ATP13A1: variants seen among roughly 807,000 people sequenced by gnomAD.
ATP13A1 encodes the protein endoplasmic reticulum transmembrane helix translocase.
A neutral mutation model predicts 134.8 loss-of-function variants in ATP13A1; 55 were observed. That is an observed-to-expected ratio of 0.41 (90% CI 0.33 to 0.51). ATP13A1 has a LOEUF of 0.51. Ranked by LOEUF, ATP13A1 falls within the 20% of genes least tolerant of loss-of-function variation. The pLI is 0.29. For synonymous variants in ATP13A1, 775 were observed against 725.1 expected (o/e 1.07, Z -1.10); for missense variants, 1,389 against 1,652.8 (o/e 0.84, Z 2.77).
rs758667471 is a variant in ATP13A1 at position 19,656,872 on chromosome 19, G to A, written c.951C>T (p.Ile317=). The A allele has an allele frequency of 1.7e-5, 27 of 1,612,444 alleles. No individual in the cohort carries two copies. Among genetic ancestry groups the A allele is most frequent in the Admixed American group, 3.3e-5 (2 of 59,774 alleles). ...RKWRPIASDE[I]VPGDIVSIGR... The stretch of plus-strand genomic sequence containing the variant: ...CGATGGAGACGATGTCCCCTGGTAC[G>A]ATCTCATCACTGGCAATGGGCCTCC... The change falls in exon 6 of 26, where the codon ATC becomes ATT. Residue 317 remains isoleucine, a synonymous_variant. Coordinates refer to ENST00000357324, the MANE Select transcript of ATP13A1 (RefSeq NM_020410.3). This position sits in a 1 kb window ranked among gnomAD's most constrained non-coding sequence, Gnocchi z 4.6.
rs1305373120 is a variant in ATP13A1, at chr19:19,655,831, C to T, written c.1269+47G>A. On this transcript the variant is annotated intron_variant, in intron 9 of 25. Transcript: ENST00000357324. The surrounding 1 kb of genome is among the most constrained non-coding windows in gnomAD (Gnocchi z 5.7). ...GGGTCGGAAAGGGCTGATACCTTGG[C>T]TGTCCAACTGCCCTGGGGCCCGCCC... The T allele has an allele frequency of 6.5e-7, 1 of 1,549,482 alleles. No homozygotes were observed. The highest frequency in any genetic ancestry group is 1.2e-5 in the South Asian group (1 of 84,950).
rs1474817634 is a variant in ATP13A1, at chr19:19,657,059, C to A, written c.841G>T (p.Val281Leu). 3 of 1,557,470 alleles carry A rather than the reference C, an allele frequency of 1.9e-6. No individual in the cohort carries two copies. The highest frequency in any genetic ancestry group is 2.5e-5 in the South Asian group (2 of 81,178). Residue 281 changes from valine to leucine, a missense_variant, in exon 5 of 26, where the codon GTG becomes TTG. Around this residue, in one of 4 missense-constraint regions of ATP13A1, gnomAD observed 747 missense variants for 956.1 expected, o/e 0.78. Coordinates refer to ENST00000357324, the MANE Select transcript of ATP13A1 (RefSeq NM_020410.3). ...GACATGTTCCGCATCTGCTGCTGCACCAGCGAGGCCTCGAACGCCACCAGC... is the reference window on the plus strand; with the variant it reads ...GACATGTTCCGCATCTGCTGCTGCAACAGCGAGGCCTCGAACGCCACCAGC... The part of the protein sequence containing the change: ...SMLVAFEASL[V>L]QQQMRNMSEI...
In ATP13A1 at chr19:19,656,922, CGGG is replaced by C; in HGVS notation, c.907-9_907-7del. 1 of 1,609,554 alleles carries C rather than the reference CGGG, an allele frequency of 6.2e-7. No homozygotes were observed. The highest frequency in any genetic ancestry group is 8.5e-7 in the Non-Finnish European group (1 of 1,178,336). On this transcript the variant is annotated splice_polypyrimidine_tract_variant and splice_region_variant and intron_variant, in intron 5 of 25. Transcript: ENST00000357324. This position sits in a 1 kb window ranked among gnomAD's most constrained non-coding sequence, Gnocchi z 4.6. The stretch of plus-strand genomic sequence containing the variant: ...CACTTGCGGCTTCGGTAGACCTGGG[CGGG>C]GCATGGGTGTCAGCACAGAAGCCGC...
chr19:19,660,044 AC>A (rs1316567599), intron 1 of ATP13A1, 57 bp from the exon 2 acceptor site: 11 of 1,491,956 alleles, frequency 7.4e-6, no homozygotes, highest in African/African-American at 2.8e-5. Context: ...CAGTTCCAAG[AC>A]CCCCCCGGGA....
intron 19 of ATP13A1, among the ~76,000 whole-genome samples, 191 bp downstream of exon 19, chr19:19,649,376 G>A (rs981602131): frequency 2.0e-5 from 3 of 152,110 alleles, no homozygotes; most frequent in South Asian, 2.1e-4. Context: ...TCTGGCCTCC[G>A]CCCTGCTCTG....
intron 17 of ATP13A1, chr19:19,651,152 T>C (rs113830355): frequency 0.018 from 2,678 of 152,232 alleles, 34 homozygotes; most frequent in South Asian, 0.03. Flanking sequence ...AGCTTCCTCC[T>C]CTGTGGTGTG....
Position 19,656,762 on chromosome 19 carries a change from G to A in ATP13A1, c.981C>T (p.Arg327=), listed in dbSNP as rs756825736. ...IVPGDIVSIG[R]SPQENLVPCD... is the part of the protein sequence containing the mutation. The stretch of plus-strand genomic sequence containing the variant: ...ATGGCACCAGGTTCTCCTGTGGGGA[G>A]CGGCCTGCAGGGCAGAGGCAGGAGG... The change falls in exon 7 of 26, where the codon CGC becomes CGT. Residue 327 remains arginine (R), a synonymous_variant. Coordinates refer to ENST00000357324, the MANE Select transcript of ATP13A1 (RefSeq NM_020410.3). The surrounding 1 kb of genome is among the most constrained non-coding windows in gnomAD (Gnocchi z 4.6). The A allele has an allele frequency of 1.9e-6, 3 of 1,613,448 alleles. No homozygotes were observed. Among genetic ancestry groups the A allele is most frequent in the African/African-American group, 1.3e-5 (1 of 74,946 alleles).
At chr19:19,650,008 C>G in intron 17 of ATP13A1, 68 bp from the exon 18 acceptor site, 1 of 1,406,696 alleles carries the variant, frequency 7.1e-7, no homozygotes, top group Non-Finnish European at 9.6e-7. Flanking sequence ...CCTCCCTCCA[C>G]TCGGACCCCA....
chr19:19,646,027 G>A lies in ATP13A1; in HGVS notation c.3249-42C>T, dbSNP rs371907454. On this transcript the variant is annotated intron_variant, in intron 23 of 25. Coordinates refer to ENST00000357324, the MANE Select transcript of ATP13A1 (RefSeq NM_020410.3). ...GAGTCAGGGCCCCCTCTCCTGCTCC[G>A]GCTCACACACACTGTGTGGCTTCCT... 1.5e-4 allele frequency: 244 copies of A among 1,604,210 alleles called. No homozygotes were observed. The African/African-American group carries it at 2.2e-3, about 15-fold the overall frequency.
Position 19,655,993 on chromosome 19 carries a change from C to T in ATP13A1, c.1214-60G>A. 1 of 1,611,218 alleles carries T rather than the reference C, an allele frequency of 6.2e-7. No homozygotes were observed. The highest frequency in any genetic ancestry group is 8.5e-7 in the Non-Finnish European group (1 of 1,179,358). On this transcript the variant is annotated intron_variant, in intron 8 of 25. Transcript: ENST00000357324. The surrounding 1 kb of genome is among the most constrained non-coding windows in gnomAD (Gnocchi z 5.7). ...CTCCTCGTCCTGACTCCCTCATGAT[C>T]AAGCAGACGGGCAAAGGGGGTGGAA...
rs752398097 is a variant in ATP13A1, at chr19:19,649,810, G to A, written c.2466C>T (p.Thr822=). 37 of 1,601,902 alleles carry A rather than the reference G, an allele frequency of 2.3e-5. No homozygotes were observed. The highest frequency in any genetic ancestry group is 3.3e-5 in the South Asian group (3 of 90,762). The part of the protein sequence containing the change: ...TGDGLAHLQA[T]DPQQLLRLIP... ...TGAGGCGGAGCAGCTGCTGGGGGTCGGTGGCCTGCAGGTGGGCCAAGCCGT... is the reference window on the plus strand; with the variant it reads ...TGAGGCGGAGCAGCTGCTGGGGGTCAGTGGCCTGCAGGTGGGCCAAGCCGT... Residue 822 remains threonine, a synonymous_variant, in exon 18 of 26, where the codon ACC becomes ACT. Coordinates refer to ENST00000357324, the MANE Select transcript of ATP13A1 (RefSeq NM_020410.3).
chr19:19,655,005 C>A lies in ATP13A1; in HGVS notation c.1655+114G>T. On this transcript the variant is annotated intron_variant, in intron 12 of 25. Transcript: ENST00000357324. This position sits in a 1 kb window ranked among gnomAD's most constrained non-coding sequence, Gnocchi z 5.7. ...GGAGCCCCTGGAAATGAACCCGAGGCAGGGCCTCTGACGGGCCCTCACTGC... is the reference window on the plus strand; with the variant it reads ...GGAGCCCCTGGAAATGAACCCGAGGAAGGGCCTCTGACGGGCCCTCACTGC... 6.8e-7 allele frequency: 1 copy of A among 1,462,878 alleles called. No homozygotes were observed. Among genetic ancestry groups the A allele is most frequent in the Non-Finnish European group, 9.1e-7 (1 of 1,096,842 alleles). The allele number at this position is 1,462,878 out of a possible 1,614,324, so 90.6% of individuals were successfully genotyped here. A position where few individuals can be genotyped will look rare whatever the true frequency, so the allele number is the denominator to read the frequency against.
At chr19:19,649,517 G>A (rs1396649753) in intron 19 of ATP13A1, 50 bp downstream of exon 19, 1 of 1,568,138 alleles carries the variant, frequency 6.4e-7, no homozygotes, top group Admixed American at 1.8e-5. Context: ...TCAGTGACAT[G>A]TCCTCAACAC....
chr19:19,652,628 G>C lies in ATP13A1; in HGVS notation c.2193C>G (p.Ala731=). 3 of 1,608,638 alleles carry C rather than the reference G, an allele frequency of 1.9e-6. No homozygotes were observed. The South Asian group carries it at 3.3e-5, about 18-fold the overall frequency. Residue 731 remains alanine, a synonymous_variant, in exon 16 of 26, where the codon GCC becomes GCG. Transcript: ENST00000357324. ...ACGCATTCTGGATCTCCCGGATCAC[G>C]GCCTTGGAGTCAGCCTTGAGCGGGC... The part of the protein sequence containing the change: ...VSCPLKADSK[A]VIREIQNASH...
intron 1 of ATP13A1, chr19:19,662,332 G>A (rs1367107324): frequency 1.0e-6 from 1 of 985,314 alleles, no homozygotes; most frequent in Admixed American, 6.1e-5. Context: ...AGAGGAGAAT[G>A]AGGATTCTAC....
Position 19,654,154 on chromosome 19 carries a change from A to C in ATP13A1, c.1814-10T>G, listed in dbSNP as rs550022518. The C allele has an allele frequency of 7.0e-6, 11 of 1,577,200 alleles. No individual in the cohort carries two copies. The highest frequency in any genetic ancestry group is 9.5e-6 in the Non-Finnish European group (11 of 1,161,584). The stretch of plus-strand genomic sequence containing the variant: ...GGGAATACTTTCTCATCTGGAAACA[A>C]ATAAGTACGAGTCCTGAGGGGCTTT... On this transcript the variant is annotated splice_polypyrimidine_tract_variant and intron_variant, in intron 13 of 25. Transcript: ENST00000357324.
At position 19,654,160 on chromosome 19, in the gene ATP13A1, T is replaced by G. The variant is rs2062042197; in HGVS notation, c.1814-16A>C. 1 of 1,572,594 alleles carries G rather than the reference T, an allele frequency of 6.4e-7. No homozygotes were observed. Among genetic ancestry groups the G allele is most frequent in the South Asian group, 1.2e-5 (1 of 85,980 alleles). On this transcript the variant is annotated splice_polypyrimidine_tract_variant and intron_variant, in intron 13 of 25. Transcript: ENST00000357324. ...ACTTTCTCATCTGGAAACAAATAAG[T>G]ACGAGTCCTGAGGGGCTTTGCTCCA... is the stretch of plus-strand genomic sequence containing the variant.
chr19:19,657,213 C>T, intron 4 of ATP13A1, 64 bp from the exon 5 acceptor site: 1 of 1,484,992 alleles, frequency 6.7e-7, no homozygotes, highest in Non-Finnish European at 9.0e-7. Flanking sequence ...CCCTTCCACC[C>T]ACCGGATCTG....
chr19:19,647,715 G>A lies in ATP13A1; in HGVS notation c.2677C>T (p.Arg893Ter), dbSNP rs151089864. The A allele has an allele frequency of 1.9e-6, 3 of 1,608,120 alleles. No individual in the cohort carries two copies. The highest frequency in any genetic ancestry group is 8.5e-7 in the Non-Finnish European group (1 of 1,179,048). Residue 893 changes from arginine (R) to a stop codon, truncating the protein, a stop_gained, in exon 20 of 26, where the codon CGA (arginine) becomes TGA (stop). Coordinates refer to ENST00000357324, the MANE Select transcript of ATP13A1 (RefSeq NM_020410.3). LOFTEE classifies it high-confidence loss of function. The surrounding 1 kb of genome is among the most constrained non-coding windows in gnomAD (Gnocchi z 4.8). ...GTTGGGCTGTCCCGGGGCCGCCGTC[G>A]CCGCTCGACAACCCGCTCAGGGGCA... ...ANAPERVVER[R>*]RRPRDSPTLS...
Sources: allele counts gnomAD v4.1 joint callset (sites outside exome capture counted in the v4.1 genomes callset), GRCh38; gene constraint gnomAD v4.1.1; regional missense constraint gnomAD v4.1.1; non-coding constraint Gnocchi (gnomAD v3.1); transcripts MANE v1.5; gene names NCBI Gene and HGNC (gene_info 2026-07-23, HGNC 2026-07-21).